Variants in WLS observed in about 807,000 individuals in gnomAD.
The protein encoded by WLS is Wnt ligand secretion mediator.
In WLS, 23 loss-of-function variants were observed where a neutral mutation model predicts 62.8. The ratio of observed to expected loss-of-function variants is 0.37; its 90% confidence interval spans 0.26 to 0.52. WLS has a LOEUF of 0.52. Ranked by LOEUF, WLS falls within the 20% of genes least tolerant of loss-of-function variation. WLS has a pLI of 0.92. For missense variants in WLS, 615 were observed against 697.3 expected (o/e 0.88, Z 1.33); for synonymous variants, 246 against 244.1 (o/e 1.01, Z -0.07).
intron 2 of WLS, chr1:68,176,458 G>A (rs1647263922): frequency 6.6e-6 from 1 of 152,216 alleles, no homozygotes; most frequent in African/African-American, 2.4e-5. Context: ...ACGATTTTCA[G>A]CTGCTGTATA....
Position 68,230,827 on chromosome 1 carries a change from G to C in WLS, c.106+1367C>G, listed in dbSNP as rs535285839. Among the ~76,000 whole-genome samples, 68 of 152,278 alleles carry C rather than the reference G, an allele frequency of 4.5e-4. 1 individual carries two copies. The highest frequency in any genetic ancestry group is 1.6e-3 in the African/African-American group (67 of 41,554). On this transcript the variant is annotated intron_variant, in intron 1 of 11. Coordinates refer to ENST00000262348, the MANE Select transcript of WLS (RefSeq NM_024911.7). ...GGCTTGGATGTTACCGTGATTTACA[G>C]TACCAAACTCCCTTTAATTTGTTCC...
At chr1:68,230,335 A>T (rs1650348393) in intron 1 of WLS, among the ~76,000 whole-genome samples, 1 of 152,162 alleles carries the variant, frequency 6.6e-6, no homozygotes, top group African/African-American at 2.4e-5. Context: ...AAGGTGCAAG[A>T]AATTTTAATT....
chr1:68,131,062 T>TTGTGTG (rs6143260), intron 11 of WLS, among the ~76,000 whole-genome samples: 5,135 of 145,820 alleles, frequency 0.035, 110 homozygotes, highest in Middle Eastern at 0.056. Context: ...CCAGCTAATT[T>TTGTGTG]TGTGTGTGTG....
At chr1:68,227,136 G>A (rs1007628876) in intron 1 of WLS, among the ~76,000 whole-genome samples, 29 of 152,352 alleles carry the variant, frequency 1.9e-4, no homozygotes, top group African/African-American at 7.0e-4. Context: ...TCTTGTGCCT[G>A]TAATCCCAGC....
At position 68,159,255 on chromosome 1, in the gene WLS, A is replaced by G. The variant is rs536436286; in HGVS notation, c.380-8T>C. On this transcript the variant is annotated splice_polypyrimidine_tract_variant and splice_region_variant and intron_variant, in intron 2 of 11. Transcript: ENST00000262348. ...AGACTTCTGCATTTTCTCCTGCAAG[A>G]GAAAGGATGCACGTTTCAGAAATGA... The G allele has an allele frequency of 2.5e-5, 41 of 1,611,766 alleles. No individual in the cohort carries two copies. The South Asian group carries it at 4.1e-4, about 16-fold the overall frequency.
At chr1:68,190,840 C>G (rs1648251873) in intron 2 of WLS, among the ~76,000 whole-genome samples, 1 of 152,146 alleles carries the variant, frequency 6.6e-6, no homozygotes, top group African/African-American at 2.4e-5. Context: ...AGTGGATCAC[C>G]TGAGGTCGGG....
At chr1:68,206,472 A>G (rs936764674) in intron 1 of WLS, among the ~76,000 whole-genome samples, 1 of 152,222 alleles carries the variant, frequency 6.6e-6, no homozygotes, top group African/African-American at 2.4e-5. Context: ...ACACTTGGTG[A>G]GTGCAAAGAA....
intron 1 of WLS, among the ~76,000 whole-genome samples, chr1:68,197,753 G>C (rs909483531): frequency 7.2e-5 from 11 of 152,160 alleles, no homozygotes; most frequent in African/African-American, 2.7e-4. Context: ...ATTAGCTATA[G>C]TCAAAATTTT....
intron 2 of WLS, among the ~76,000 whole-genome samples, chr1:68,189,701 G>A (rs1271578775): frequency 1.3e-5 from 2 of 152,222 alleles, no homozygotes; most frequent in African/African-American, 4.8e-5. Context: ...TTGGATAATT[G>A]TAATAGCTAC....
In WLS at chr1:68,125,672, G is replaced by T; in HGVS notation, c.*554C>A. On this transcript the variant is annotated 3_prime_UTR_variant, in exon 12 of 12. Transcript: ENST00000262348. ...TTCTCATGAAATTCAGTTATATTAT[G>T]CCACAAAACAGGGACACTTATCTAT... 1.0e-6 allele frequency: 1 copy of T among 985,538 alleles called. No individual in the cohort carries two copies. The highest frequency in any genetic ancestry group is 1.2e-6 in the Non-Finnish European group (1 of 830,074). 61.0% of individuals were successfully genotyped at this position (985,538 alleles called of 1,614,324 possible). A position where few individuals can be genotyped will look rare whatever the true frequency, so the allele number is the denominator to read the frequency against.
At chr1:68,099,167 C>A (rs1364186621) in intron 11 of WLS, among the ~76,000 whole-genome samples, 1 of 152,062 alleles carries the variant, frequency 6.6e-6, no homozygotes, top group Non-Finnish European at 1.5e-5. Context: ...AGGAGGATTC[C>A]CAGCTTGTGT....
At chr1:68,161,586 C>T (rs113495899) in intron 2 of WLS, among the ~76,000 whole-genome samples, 4,776 of 152,298 alleles carry the variant, frequency 0.031, 172 homozygotes, top group African/African-American at 0.093. Flanking sequence ...CGTAAGCAGA[C>T]GACATCTTCA....
chr1:68,221,175 G>T (rs981441980), intron 1 of WLS, among the ~76,000 whole-genome samples: 2 of 152,010 alleles, frequency 1.3e-5, no homozygotes, highest in Admixed American at 1.3e-4. Flanking sequence ...GTCCTGTTTG[G>T]GCATGTTCAA....
intron 1 of WLS, among the ~76,000 whole-genome samples, chr1:68,219,077 A>C (rs1046685123): frequency 2.6e-5 from 4 of 152,236 alleles, no homozygotes; most frequent in African/African-American, 9.6e-5. Flanking sequence ...TAAAGACAGT[A>C]AATCTCAAAA....
intron 11 of WLS, among the ~76,000 whole-genome samples, chr1:68,135,624 C>A (rs116455996): frequency 6.6e-6 from 1 of 152,130 alleles, no homozygotes; most frequent in East Asian, 1.9e-4. Context: ...TATTTCCCAC[C>A]GGTATTATCA....
In WLS at chr1:68,125,370, C is replaced by G; in HGVS notation, c.*856G>C. The G allele has an allele frequency of 2.0e-6, 2 of 985,390 alleles. No individual in the cohort carries two copies. Among genetic ancestry groups the G allele is most frequent in the Non-Finnish European group, 2.4e-6 (2 of 829,930 alleles). 61.0% of individuals were successfully genotyped at this position (985,390 alleles called of 1,614,324 possible). ...CTGCACGCATGTGTATGAGTTTTAG[C>G]AGGAGGGGATATGCATGTACACATA... On this transcript the variant is annotated 3_prime_UTR_variant, in exon 12 of 12. Coordinates refer to ENST00000262348, the MANE Select transcript of WLS (RefSeq NM_024911.7).
At chr1:68,146,818 G>A (rs1570888586) in intron 8 of WLS, among the ~76,000 whole-genome samples, 4 of 152,128 alleles carry the variant, frequency 2.6e-5, no homozygotes, top group Admixed American at 2.0e-4. Context: ...CAAGTCTTAG[G>A]ATAGCGTGAG....
At chr1:68,127,047 T>G in intron 11 of WLS, 1 of 382,082 alleles carries the variant, frequency 2.6e-6, no homozygotes, top group Non-Finnish European at 5.2e-6. Context: ...TTGTTTTAAT[T>G]ACCTGCGTGC....
chr1:68,169,070 C>A (rs1436969259), intron 2 of WLS, among the ~76,000 whole-genome samples: 1 of 152,214 alleles, frequency 6.6e-6, no homozygotes, highest in Non-Finnish European at 1.5e-5. Context: ...TCTCGTCTTT[C>A]CTCATCAAAT....
Sources: gnomAD v4.1 joint callset for allele counts (sites outside exome capture counted in the v4.1 genomes callset) on GRCh38, gnomAD v4.1.1 for gene constraint, MANE v1.5 for transcripts, NCBI Gene and HGNC (gene_info 2026-07-23, HGNC 2026-07-21) for gene names.